The following PKP4 variants were observed in gnomAD, a reference collection of about 807,000 sequenced individuals.
The protein encoded by PKP4 is plakophilin-4.
Under a neutral mutation model 145.1 loss-of-function variants are expected in PKP4, and 90 were observed. The observed-to-expected ratio is 0.62, with a 90% CI of 0.52 to 0.74. The LOEUF is 0.74. Ranked by LOEUF, PKP4 falls within the 30% of genes least tolerant of loss-of-function variation. The pLI, the probability that PKP4 is intolerant of heterozygous loss-of-function variation, is 0.00. For synonymous variants in PKP4, 563 were observed against 577.2 expected, an observed-to-expected ratio of 0.98 and a Z score of 0.35; for missense variants, 1,340 against 1,482.7, an observed-to-expected ratio of 0.90 and a Z score of 1.58.
intron 1 of PKP4, among the ~76,000 whole-genome samples, chr2:158,517,906 AC>A (rs2042058619): frequency 6.6e-6 from 1 of 151,650 alleles, no homozygotes; most frequent in Non-Finnish European, 1.5e-5. Flanking sequence ...ACAGAGCGAG[AC>A]CCTGTCTCAA....
chr2:158,498,415 G>A (rs907084636), intron 1 of PKP4, among the ~76,000 whole-genome samples: 5 of 152,206 alleles, frequency 3.3e-5, no homozygotes, highest in Admixed American at 2.6e-4. Context: ...GATGGATTCT[G>A]TACTTTGCTT....
chr2:158,554,428 TA>T (rs1205355456), intron 2 of PKP4, among the ~76,000 whole-genome samples: 37 of 44,190 alleles, frequency 8.4e-4, no homozygotes, highest in African/African-American at 2.4e-3. Context: ...TTATTATTAT[TA>T]TTTTTTTTTT....
chr2:158,554,488 C>T (rs1251050189), intron 2 of PKP4, among the ~76,000 whole-genome samples: 3 of 149,792 alleles, frequency 2.0e-5, no homozygotes, highest in Non-Finnish European at 4.4e-5. Context: ...TGCAGTGGTG[C>T]AATCTTGGCT....
chr2:158,658,256 G>A lies in PKP4; in HGVS notation c.2035G>A (p.Asp679Asn). 1 of 1,606,506 alleles carries A rather than the reference G, an allele frequency of 6.2e-7. No homozygotes were observed. The highest frequency in any genetic ancestry group is 1.1e-5 in the South Asian group (1 of 90,354). ...ATGGAATAACTCTTCTTTTGATGAT[G>A]ATCATAAAATTAAATTTCAGACTTC... is the stretch of plus-strand genomic sequence containing the variant. ...SGWNNSSFDD[D>N]HKIKFQTSLV... The change falls in exon 12 of 22, where the codon GAT becomes AAT. Residue 679 changes from aspartate to asparagine, a missense_variant. Physicochemically the swap from Asp to Asn is conservative, Grantham distance 23 (BLOSUM62 1). Coordinates refer to ENST00000389759, the MANE Select transcript of PKP4 (RefSeq NM_003628.6).
intron 11 of PKP4, among the ~76,000 whole-genome samples, chr2:158,652,335 T>C (rs963877850): frequency 2.0e-5 from 3 of 152,090 alleles, no homozygotes; most frequent in African/African-American, 7.2e-5. Context: ...GTAACGTAAA[T>C]GTCAAAGGTA....
At chr2:158,628,597 A>C (rs1330136180) in intron 7 of PKP4, among the ~76,000 whole-genome samples, 1 of 152,120 alleles carries the variant, frequency 6.6e-6, no homozygotes, top group African/African-American at 2.4e-5. Flanking sequence ...AGTAATTCCA[A>C]TTTACTAATG....
chr2:158,602,186 C>T (rs2050287542), intron 3 of PKP4, among the ~76,000 whole-genome samples: 1 of 152,134 alleles, frequency 6.6e-6, no homozygotes, highest in South Asian at 2.1e-4. Flanking sequence ...GGATCACAAG[C>T]TGTTCTGCCA....
chr2:158,545,732 T>G (rs1163366754), intron 2 of PKP4, among the ~76,000 whole-genome samples: 2 of 152,192 alleles, frequency 1.3e-5, no homozygotes, highest in Non-Finnish European at 2.9e-5. Context: ...GATGATGAGA[T>G]TTCACATGTG....
chr2:158,582,066 G>A (rs1378739170), intron 3 of PKP4, among the ~76,000 whole-genome samples: 3 of 152,166 alleles, frequency 2.0e-5, no homozygotes, highest in African/African-American at 7.2e-5. Flanking sequence ...ACCTTGAAAA[G>A]CCCTGAAGGT....
intron 4 of PKP4, among the ~76,000 whole-genome samples, chr2:158,605,486 A>G (rs766470515): frequency 2.6e-5 from 4 of 152,230 alleles, no homozygotes; most frequent in Non-Finnish European, 5.9e-5. Context: ...AAACCTTTAT[A>G]GCCTAACAGG....
rs1458799874 is a variant in PKP4, at chr2:158,680,765, A to G, written c.*88A>G. ...CCATCTTGCTGATTTGATGATTGAA[A>G]TGTGAAAGTGAAGTGGAAGGAATGA... On this transcript the variant is annotated 3_prime_UTR_variant, in exon 22 of 22. Coordinates refer to ENST00000389759, the MANE Select transcript of PKP4 (RefSeq NM_003628.6). 3.4e-6 allele frequency: 4 copies of G among 1,190,970 alleles called. No individual in the cohort carries two copies. The highest frequency in any genetic ancestry group is 4.7e-6 in the Non-Finnish European group (4 of 844,888). The allele number at this position is 1,190,970 out of a possible 1,614,324, so 73.8% of individuals were successfully genotyped here. A position where few individuals can be genotyped will look rare whatever the true frequency, so the allele number is the denominator to read the frequency against.
intron 1 of PKP4, among the ~76,000 whole-genome samples, chr2:158,526,365 CAG>C (rs1166123525): frequency 2.7e-5 from 3 of 111,768 alleles, no homozygotes; most frequent in Non-Finnish European, 3.7e-5. Flanking sequence ...AGCATATAAA[CAG>C]AGCCAAAGAC....
At chr2:158,569,176 A>G (rs1267336406) in intron 2 of PKP4, among the ~76,000 whole-genome samples, 12 of 152,228 alleles carry the variant, frequency 7.9e-5, no homozygotes, top group Admixed American at 7.9e-4. Context: ...CTTAGAATAT[A>G]AACTTCAAGC....
In PKP4 at chr2:158,634,075, A is replaced by G; in HGVS notation, c.1348A>G (p.Ile450Val). 3 of 1,584,214 alleles carry G rather than the reference A, an allele frequency of 1.9e-6. No individual in the cohort carries two copies. The highest frequency in any genetic ancestry group is 2.6e-6 in the Non-Finnish European group (3 of 1,152,654). Residue 450 changes from isoleucine (I) to valine (V), a missense_variant, in exon 9 of 22, where the codon ATT (isoleucine) becomes GTT (valine). Transcript: ENST00000389759. ...TCAAAATGTTGACTTTCTAGTAGGT[A>G]TTGGAAATCTACAAAGGACATCCAG... ...TALYRTGSVG[I>V]GNLQRTSSQR... is the part of the protein sequence containing the mutation.
At chr2:158,538,243 G>A (rs1246304929) in intron 2 of PKP4, among the ~76,000 whole-genome samples, 2 of 152,158 alleles carry the variant, frequency 1.3e-5, no homozygotes, top group Non-Finnish European at 2.9e-5. Flanking sequence ...GAAACAGTGA[G>A]CCAAGCATCA....
At chr2:158,486,041 G>A (rs1694121589) in intron 1 of PKP4, among the ~76,000 whole-genome samples, 1 of 152,020 alleles carries the variant, frequency 6.6e-6, no homozygotes, top group Admixed American at 6.5e-5. Context: ...TAATAGTGGA[G>A]TTCAAAGTAA....
chr2:158,509,499 T>C (rs1168955672), intron 1 of PKP4, among the ~76,000 whole-genome samples: 3 of 152,198 alleles, frequency 2.0e-5, no homozygotes, highest in Non-Finnish European at 2.9e-5. Flanking sequence ...TTTCAGTATA[T>C]TGAGACATAA....
chr2:158,633,563 T>A (rs1459066383), intron 8 of PKP4, among the ~76,000 whole-genome samples: 1 of 152,212 alleles, frequency 6.6e-6, no homozygotes, highest in Non-Finnish European at 1.5e-5. Context: ...AATTTTCCAT[T>A]TGATATTTTT....
At chr2:158,641,779 A>G (rs1433064437) in intron 10 of PKP4, among the ~76,000 whole-genome samples, 1 of 152,210 alleles carries the variant, frequency 6.6e-6, no homozygotes, top group Non-Finnish European at 1.5e-5. Context: ...TAGAAACTAA[A>G]TAACTTAAGT....
Sources: gnomAD v4.1 joint callset for allele counts (sites outside exome capture counted in the v4.1 genomes callset) on GRCh38, gnomAD v4.1.1 for gene constraint, MANE v1.5 for transcripts, NCBI Gene and HGNC (gene_info 2026-07-23, HGNC 2026-07-21) for gene names.